MAGI1: variants seen among roughly 807,000 people sequenced by gnomAD.
MAGI1 encodes the protein membrane associated guanylate kinase, WW and PDZ domain containing 1.
A neutral mutation model predicts 139.9 loss-of-function variants in MAGI1; 58 were observed. That is an observed-to-expected ratio of 0.41 (90% CI 0.34 to 0.52). The LOEUF is 0.52. MAGI1 is among the 20% of genes least tolerant of loss of function. MAGI1 has a pLI of 0.12. For synonymous variants in MAGI1, 812 were observed against 737.9 expected, an observed-to-expected ratio of 1.10 and a Z score of -1.63; for missense variants, 1,874 against 1,901.6, an observed-to-expected ratio of 0.99 and a Z score of 0.27.
intron 2 of MAGI1, among the ~76,000 whole-genome samples, chr3:65,545,567 T>C (rs547084615): frequency 5.3e-5 from 8 of 152,302 alleles, no homozygotes; most frequent in Non-Finnish European, 7.4e-5. Context: ...CAGGCCTTTA[T>C]TGTGATGAAA....
At chr3:65,444,200 A>C (rs1487211570) in intron 7 of MAGI1, among the ~76,000 whole-genome samples, 1 of 152,214 alleles carries the variant, frequency 6.6e-6, no homozygotes, top group Non-Finnish European at 1.5e-5. Context: ...TAAGCTACTA[A>C]AATGCAAGAC....
intron 1 of MAGI1, among the ~76,000 whole-genome samples, chr3:65,744,550 G>C (rs2035537285): frequency 6.6e-6 from 1 of 152,092 alleles, no homozygotes; most frequent in Non-Finnish European, 1.5e-5. Context: ...CTGATGCAAA[G>C]GTTCCAATCG....
intron 18 of MAGI1, among the ~76,000 whole-genome samples, chr3:65,369,528 G>A (rs13340144): frequency 0.084 from 12,043 of 143,874 alleles, 1,037 homozygotes; most frequent in African/African-American, 0.22. Flanking sequence ...TTTTTTTTCT[G>A]GAGACACAGT....
intron 18 of MAGI1, chr3:65,371,975 T>G: frequency 2.5e-6 from 1 of 393,140 alleles, no homozygotes. Context: ...AAGTCATCCA[T>G]GAAGGTTGGA....
intron 1 of MAGI1, among the ~76,000 whole-genome samples, chr3:65,864,700 C>G (rs2059662883): frequency 6.6e-6 from 1 of 152,200 alleles, no homozygotes; most frequent in Non-Finnish European, 1.5e-5. Context: ...AACTCTGCCA[C>G]CTGCCTCCAG....
chr3:65,708,269 G>A (rs2030737462), intron 1 of MAGI1, among the ~76,000 whole-genome samples: 1 of 152,186 alleles, frequency 6.6e-6, no homozygotes, highest in Non-Finnish European at 1.5e-5. Context: ...AAAGAATAAA[G>A]AGATGGTAGT....
intron 10 of MAGI1, among the ~76,000 whole-genome samples, chr3:65,436,337 A>G (rs1019344087): frequency 2.6e-5 from 4 of 152,142 alleles, no homozygotes; most frequent in Admixed American, 2.0e-4. Context: ...TCTGTCAAAC[A>G]TGATGCTTGT....
rs539502538 is a variant in MAGI1 at position 65,812,699 on chromosome 3, C to CTTTTTTT, written c.314-190618_314-190612dup. Among the ~76,000 whole-genome samples the CTTTTTTT allele has an allele frequency of 2.2e-4, 16 of 72,910 alleles. 2 individuals carry two copies. The highest frequency in any genetic ancestry group is 3.7e-4 in the Non-Finnish European group (15 of 40,978). The allele number at this position is 72,910 out of a possible 152,430, so 47.8% of individuals were successfully genotyped here. A position where few individuals can be genotyped will look rare whatever the true frequency, so the allele number is the denominator to read the frequency against. On this transcript the variant is annotated intron_variant, in intron 1 of 22. Transcript: ENST00000402939. ...AAACTGACTGGTTAAAGTTAGTTTACTTTTTTTTTTTTTTTTTTTTTTTTT... is the reference window on the plus strand; with the variant it reads ...AAACTGACTGGTTAAAGTTAGTTTACTTTTTTTTTTTTTTTTTTTTTTTTTTTTTTTT...
At chr3:65,787,055 C>A (rs776854359) in intron 1 of MAGI1, among the ~76,000 whole-genome samples, 9 of 152,154 alleles carry the variant, frequency 5.9e-5, no homozygotes, top group Non-Finnish European at 8.8e-5. Context: ...GATTCTTCTC[C>A]TATCTCATGT....
At chr3:65,458,684 G>A (rs1206053809) in intron 5 of MAGI1, among the ~76,000 whole-genome samples, 1 of 151,948 alleles carries the variant, frequency 6.6e-6, no homozygotes, top group Non-Finnish European at 1.5e-5. Flanking sequence ...AGTTGCTTGA[G>A]CTCCCTATAT....
intron 12 of MAGI1, among the ~76,000 whole-genome samples, chr3:65,419,754 G>A (rs186711139): frequency 6.7e-6 from 1 of 149,204 alleles, no homozygotes; most frequent in African/African-American, 2.4e-5. Context: ...CTTTCCTTCA[G>A]TTGGGGTCAG....
At chr3:65,779,789 A>G (rs183674302) in intron 1 of MAGI1, among the ~76,000 whole-genome samples, 14 of 152,362 alleles carry the variant, frequency 9.2e-5, no homozygotes, top group Admixed American at 5.2e-4. Context: ...CTATCTTTGG[A>G]AAGTGACGAG....
chr3:65,589,562 C>T (rs572498946), intron 2 of MAGI1, among the ~76,000 whole-genome samples: 2 of 152,108 alleles, frequency 1.3e-5, no homozygotes, highest in African/African-American at 2.4e-5. Flanking sequence ...GTTGACCCCC[C>T]CTGCATTAAC....
At chr3:65,631,382 G>A (rs11131033) in intron 1 of MAGI1, among the ~76,000 whole-genome samples, 104,372 of 152,090 alleles carry the variant, frequency 0.69, 36,341 homozygotes, top group East Asian at 0.98. Flanking sequence ...AATAATTCAT[G>A]AGCATTTGCA....
intron 1 of MAGI1, among the ~76,000 whole-genome samples, chr3:65,848,124 C>T (rs1230464299): frequency 6.6e-6 from 1 of 152,108 alleles, no homozygotes; most frequent in Non-Finnish European, 1.5e-5. Flanking sequence ...CAATTTATTG[C>T]CAGAATTAAA....
chr3:65,690,282 T>G (rs955913603), intron 1 of MAGI1, among the ~76,000 whole-genome samples: 1 of 152,088 alleles, frequency 6.6e-6, no homozygotes, highest in Non-Finnish European at 1.5e-5. Flanking sequence ...CAGAGAAGGG[T>G]TGAGTCCTGG....
intron 2 of MAGI1, among the ~76,000 whole-genome samples, chr3:65,583,885 G>C (rs1175085146): frequency 6.6e-6 from 1 of 152,092 alleles, no homozygotes; most frequent in African/African-American, 2.4e-5. Context: ...CCCTGAAGAT[G>C]AGACTGTGAC....
At chr3:65,427,093 C>A (rs1947098013) in intron 12 of MAGI1, among the ~76,000 whole-genome samples, 1 of 152,142 alleles carries the variant, frequency 6.6e-6, no homozygotes, top group Admixed American at 6.5e-5. Flanking sequence ...GCAGGTGGAT[C>A]CCTTGAGCGC....
chr3:65,429,849 G>A lies in MAGI1; in HGVS notation c.1838C>T (p.Pro613Leu). The change falls in exon 12 of 23, where the codon CCA becomes CTA. Residue 613 changes from proline (P) to leucine (L), a missense_variant. Physicochemically the swap from Pro to Leu is moderately conservative, Grantham distance 98. Around this residue, in one of 5 missense-constraint regions of MAGI1, gnomAD observed 482 missense variants for 509.6 expected, o/e 0.95. Transcript: ENST00000402939. ...AGAACTATTTGAAGCCACGTCCGCT[G>A]GGCTGCTTGGCCTGGCATCCTTCAT... The part of the protein sequence containing the change: ...NGMKDARPSS[P>L]ADVASNSSHG... 6.2e-7 allele frequency: 1 copy of A among 1,614,016 alleles called. No homozygotes were observed. The highest frequency in any genetic ancestry group is 8.5e-7 in the Non-Finnish European group (1 of 1,179,970).
Sources: allele counts gnomAD v4.1 joint callset (sites outside exome capture counted in the v4.1 genomes callset), GRCh38; gene constraint gnomAD v4.1.1; regional missense constraint gnomAD v4.1.1; transcripts MANE v1.5; gene names NCBI Gene and HGNC (gene_info 2026-07-23, HGNC 2026-07-21).